ZNF106: variants seen among roughly 807,000 people sequenced by gnomAD.
ZNF106 encodes the protein zinc finger protein 106.
A neutral mutation model predicts 195.1 loss-of-function variants in ZNF106; 67 were observed. The ratio of observed to expected loss-of-function variants is 0.34; its 90% CI spans 0.28 to 0.42. The LOEUF (loss-of-function observed/expected upper bound fraction) is 0.42, where lower values mean the gene tolerates loss of function less well. Ranked by LOEUF, ZNF106 falls within the 10% of genes least tolerant of loss-of-function variation. ZNF106 has a pLI of 1.00. For missense variants in ZNF106, 2,118 were observed against 2,304.5 expected (o/e 0.92, Z 1.66); for synonymous variants, 784 against 818.6 (o/e 0.96, Z 0.72).
chr15:42,469,732 G>A (rs989673812), intron 2 of ZNF106, among the ~76,000 whole-genome samples: 6 of 151,996 alleles, frequency 3.9e-5, no homozygotes, highest in African/African-American at 1.4e-4. Flanking sequence ...CAGCTACTCA[G>A]GAGGCTGAGA....
intron 6 of ZNF106, 76 bp from the exon 7 acceptor site, chr15:42,446,734 C>G (rs1027011165): frequency 8.0e-7 from 1 of 1,253,370 alleles, no homozygotes; most frequent in Non-Finnish European, 1.1e-6. Context: ...GGAATCAATT[C>G]TAAGATAGCC....
In ZNF106 at chr15:42,414,064, C is replaced by A. The variant is rs886998103; in HGVS notation, c.*3240G>T. On this transcript the variant is annotated 3_prime_UTR_variant, in exon 22 of 22. Coordinates refer to ENST00000564754, the MANE Select transcript of ZNF106 (RefSeq NM_001366845.3). The stretch of plus-strand genomic sequence containing the variant: ...GCCATTAGAATTAGACAAAAGCAAC[C>A]GAGAGTAACATTCTAAAAGTGGCTT... 6.6e-6 allele frequency: 1 copy of A among 152,088 alleles called. No individual in the cohort carries two copies. Among genetic ancestry groups the A allele is most frequent in the South Asian group, 2.1e-4 (1 of 4,818 alleles). 9.4% of individuals were successfully genotyped at this position (152,088 alleles called of 1,614,324 possible).
intron 1 of ZNF106, among the ~76,000 whole-genome samples, chr15:42,473,288 G>A (rs907809365): frequency 1.3e-5 from 2 of 152,212 alleles, no homozygotes; most frequent in African/African-American, 4.8e-5. Flanking sequence ...CAACCTGTAT[G>A]TAATTCCTCT....
At chr15:42,452,589 T>G (rs2056075326) in intron 4 of ZNF106, among the ~76,000 whole-genome samples, 2 of 152,102 alleles carry the variant, frequency 1.3e-5, no homozygotes, top group South Asian at 4.1e-4. Context: ...TCTTGGCATG[T>G]TCTGAGATTT....
intron 10 of ZNF106, among the ~76,000 whole-genome samples, chr15:42,440,969 A>T (rs2055478975): frequency 8.2e-6 from 1 of 121,988 alleles, no homozygotes. Flanking sequence ...GGCAACAAAA[A>T]GCGAAACTCT....
Position 42,439,581 on chromosome 15 carries a change from A to G in ZNF106, c.3996T>C (p.Ser1332=), listed in dbSNP as rs143873941. The G allele has an allele frequency of 1.2e-4, 200 of 1,614,214 alleles. No individual in the cohort carries two copies. In the African/African-American group the frequency reaches 2.5e-3, roughly 20 times the overall value. The change falls in exon 11 of 22, where the codon AGT becomes AGC. Residue 1332 remains serine, a synonymous_variant. Coordinates refer to ENST00000564754, the MANE Select transcript of ZNF106 (RefSeq NM_001366845.3). ...AAGCAAAAGACAATCTTAGAAAAGA[A>G]CTGGTACAGGCTTCAGACCCACTAT... is the stretch of plus-strand genomic sequence containing the variant. ...KGNSGSEACT[S]SFLRLSFASE...
chr15:42,452,929 A>C (rs2056097731), intron 4 of ZNF106, among the ~76,000 whole-genome samples: 1 of 151,850 alleles, frequency 6.6e-6, no homozygotes, highest in Non-Finnish European at 1.5e-5. Flanking sequence ...CAGGTAATCC[A>C]CCCACCGCGG....
At chr15:42,466,680 C>G (rs542043507) in intron 2 of ZNF106, among the ~76,000 whole-genome samples, 3 of 152,194 alleles carry the variant, frequency 2.0e-5, no homozygotes, top group African/African-American at 4.8e-5. Context: ...TAAAAAAATA[C>G]TTTGAACATA....
chr15:42,450,480 C>T lies in ZNF106; in HGVS notation c.1792G>A (p.Gly598Arg), dbSNP rs2055965099. Residue 598 changes from glycine to arginine, a missense_variant, in exon 5 of 22, where the codon GGG becomes AGG. Transcript: ENST00000564754. ...ACTTGAAACTCAATTTTCAAAGACC[C>T]TTTTTCAGATTCTTCTACATTTCTA... ...ASRNVEESEK[G>R]SLKIEFQVHA... 6.2e-7 allele frequency: 1 copy of T among 1,614,034 alleles called. No individual in the cohort carries two copies. The highest frequency in any genetic ancestry group is 2.2e-5 in the East Asian group (1 of 44,878).
At chr15:42,487,064 C>G (rs554675508) in intron 1 of ZNF106, among the ~76,000 whole-genome samples, 1 of 151,972 alleles carries the variant, frequency 6.6e-6, no homozygotes, top group Non-Finnish European at 1.5e-5. Flanking sequence ...GCAGAAGAAT[C>G]GCTTGAACCT....
At chr15:42,444,338 A>G (rs2055681588) in intron 8 of ZNF106, 76 bp from the exon 9 acceptor site, 5 of 1,160,740 alleles carry the variant, frequency 4.3e-6, no homozygotes, top group Middle Eastern at 2.8e-4. Context: ...TTTTTCTTCT[A>G]TGTCCTGACC....
In ZNF106 at chr15:42,466,109, C is replaced by G; in HGVS notation, c.60G>C (p.Met20Ile). ...GCAACATGCTCCGCATGTGTTCGTC[C>G]ATCTCCTTCAAAATAAAAGAAAGTA... ...CHIVYSSKKEMDEHMRSMLHH... is the reference protein window; with the variant it reads ...CHIVYSSKKEIDEHMRSMLHH... Residue 20 changes from methionine to isoleucine, a missense_variant, in exon 3 of 22, where the codon ATG (methionine) becomes ATC (isoleucine). By Grantham distance (10) the Met-to-Ile change is conservative. Coordinates refer to ENST00000564754, the MANE Select transcript of ZNF106 (RefSeq NM_001366845.3). 3 of 1,528,536 alleles carry G rather than the reference C, an allele frequency of 2.0e-6. No individual in the cohort carries two copies. Among genetic ancestry groups the G allele is most frequent in the Non-Finnish European group, 1.7e-6 (2 of 1,143,374 alleles). The allele number at this position is 1,528,536 out of a possible 1,614,324, so 94.7% of individuals were successfully genotyped here. A position where few individuals can be genotyped will look rare whatever the true frequency, so the allele number is the denominator to read the frequency against.
chr15:42,482,780 C>T (rs1009510485), intron 1 of ZNF106, among the ~76,000 whole-genome samples: 1 of 152,088 alleles, frequency 6.6e-6, no homozygotes, highest in Non-Finnish European at 1.5e-5. Context: ...CCACCCACCT[C>T]GACCTCCCAA....
chr15:42,445,030 T>TA, intron 7 of ZNF106, 49 bp from the exon 8 acceptor site: 1 of 1,605,866 alleles, frequency 6.2e-7, no homozygotes, highest in South Asian at 1.1e-5. Flanking sequence ...GATTTCCCTC[T>TA]CATCACACAG....
At chr15:42,424,670 G>T in intron 16 of ZNF106, 164 bp downstream of exon 16, 1 of 634,358 alleles carries the variant, frequency 1.6e-6, no homozygotes, top group Non-Finnish European at 2.7e-6. Flanking sequence ...TGTAGAGATC[G>T]AGTTTTGCCA....
rs754538831 is a variant in ZNF106 at position 42,449,892 on chromosome 15, CCTT to C, written c.2377_2379del (p.Lys793del). 6.2e-6 allele frequency: 10 copies of C among 1,614,194 alleles called. No individual in the cohort carries two copies. Among genetic ancestry groups the C allele is most frequent in the South Asian group, 4.4e-5 (4 of 91,084 alleles). Reference sequence around the variant, plus strand: ...CGTAGGGTTGGCTTGAGCCCAGACTCCTTCTCTGTCTCACTCTTTCGGTGACCG... The same window carrying C: ...CGTAGGGTTGGCTTGAGCCCAGACTCCTCTGTCTCACTCTTTCGGTGACCG... On this transcript the variant is annotated inframe_deletion, in exon 5 of 22. Transcript: ENST00000564754.
rs2054379407 is a variant in ZNF106, at chr15:42,414,539, C to G, written c.*2765G>C. On this transcript the variant is annotated 3_prime_UTR_variant, in exon 22 of 22. Coordinates refer to ENST00000564754, the MANE Select transcript of ZNF106 (RefSeq NM_001366845.3). ...AGGAACCTGCACACTTGCACACACA[C>G]AGGCAGGTATAGGCACACAGTTCCA... 1 of 152,274 alleles carries G rather than the reference C, an allele frequency of 6.6e-6. No individual in the cohort carries two copies. The highest frequency in any genetic ancestry group is 1.5e-5 in the Non-Finnish European group (1 of 68,068). 9.4% of individuals were successfully genotyped at this position (152,274 alleles called of 1,614,324 possible).
chr15:42,424,200 T>C (rs2054769982), intron 16 of ZNF106, 140 bp from the exon 17 acceptor site: 1 of 683,566 alleles, frequency 1.5e-6, no homozygotes, highest in South Asian at 2.2e-5. Flanking sequence ...GTTTCTCAGA[T>C]GAATTTTCTC....
At chr15:42,480,078 G>C (rs1335612844) in intron 1 of ZNF106, among the ~76,000 whole-genome samples, 1 of 151,986 alleles carries the variant, frequency 6.6e-6, no homozygotes, top group East Asian at 1.9e-4. Flanking sequence ...TGAACTCCAG[G>C]GCTCAAGCAA....
Sources: allele counts gnomAD v4.1 joint callset (sites outside exome capture counted in the v4.1 genomes callset), GRCh38; gene constraint gnomAD v4.1.1; transcripts MANE v1.5; gene names NCBI Gene and HGNC (gene_info 2026-07-23, HGNC 2026-07-21).